Variants in OR14I1 observed in about 807,000 individuals in gnomAD.
OR14I1 encodes the protein olfactory receptor family 14 subfamily I member 1, also known as olfactory receptor 14I1.
For synonymous variants in OR14I1, 118 were observed against 71.1 expected (o/e 1.66, Z -3.32); for missense variants, 279 against 181.8 (o/e 1.53, Z -3.07).
At chr1:248,680,346 A>G (rs796204191), downstream of OR14I1, among the ~76,000 whole-genome samples, 8 of 152,348 alleles carry the variant, frequency 5.3e-5, no homozygotes, top group African/African-American at 1.9e-4. Flanking sequence ...TTTGGGATGT[A>G]AAGTCCAGTG....
upstream of OR14I1, among the ~76,000 whole-genome samples, chr1:248,683,989 G>A (rs1419590361): frequency 6.6e-6 from 1 of 152,094 alleles, no homozygotes; most frequent in Non-Finnish European, 1.5e-5. Context: ...CCAAGATCGT[G>A]CCACTGCACT....
At chr1:248,698,770 T>C in the OR14I1 span, 7 of 152,244 alleles carry the variant, frequency 4.6e-5, no homozygotes, top group Admixed American at 2.6e-4. Flanking sequence ...ACTTGACTTA[T>C]ATCCTACTCC....
At chr1:248,687,348 G>A in the OR14I1 span, among the ~76,000 whole-genome samples, 1 of 152,220 alleles carries the variant, frequency 6.6e-6, no homozygotes, top group Non-Finnish European at 1.5e-5. Context: ...TTACTTTGCA[G>A]TTACAGCAGC....
chr1:248,696,754 C>T, the OR14I1 span, among the ~76,000 whole-genome samples: 23,749 of 152,090 alleles, frequency 0.16, 2,038 homozygotes, highest in African/African-American at 0.23. Flanking sequence ...TGTCTCTCTC[C>T]GTAGTATTTA....
downstream of OR14I1, among the ~76,000 whole-genome samples, chr1:248,678,543 T>A (rs2103130474): frequency 6.6e-6 from 1 of 152,340 alleles, no homozygotes; most frequent in East Asian, 1.9e-4. Flanking sequence ...ACAGGAAGTC[T>A]CAAAGGAAAA....
downstream of OR14I1, among the ~76,000 whole-genome samples, chr1:248,678,862 G>A (rs916880427): frequency 6.6e-6 from 1 of 152,090 alleles, no homozygotes; most frequent in Non-Finnish European, 1.5e-5. Flanking sequence ...AAAATAATTA[G>A]AATTGGACTT....
At chr1:248,697,147 C>G in the OR14I1 span, 7 of 152,190 alleles carry the variant, frequency 4.6e-5, no homozygotes, top group Admixed American at 3.9e-4. Flanking sequence ...CGATACAGAA[C>G]TCAAATGGTG....
upstream of OR14I1, among the ~76,000 whole-genome samples, chr1:248,686,363 T>C (rs1661650474): frequency 6.6e-6 from 1 of 152,228 alleles, no homozygotes; most frequent in African/African-American, 2.4e-5. Context: ...CTAATCTATA[T>C]GAAGCCTTTT....
upstream of OR14I1, among the ~76,000 whole-genome samples, chr1:248,686,671 TAAAA>T: frequency 6.7e-6 from 1 of 148,788 alleles, no homozygotes; most frequent in African/African-American, 2.5e-5. Context: ...TTTTTTCTCA[TAAAA>T]AATTTGAAAT....
At chr1:248,700,261 T>A in the OR14I1 span, among the ~76,000 whole-genome samples, 1 of 152,254 alleles carries the variant, frequency 6.6e-6, no homozygotes, top group African/African-American at 2.4e-5. Context: ...ATAACTGAAG[T>A]ATAAGTAAAA....
exon 1 of OR14I1, chr1:248,681,913 C>T (rs748062443): frequency 5.1e-6 from 4 of 780,886 alleles, no homozygotes; most frequent in African/African-American, 5.1e-5. Flanking sequence ...CATCACGGCT[C>T]TGTATTGGAG....
At chr1:248,686,807 T>C (rs1661663880), upstream of OR14I1, among the ~76,000 whole-genome samples, 1 of 119,578 alleles carries the variant, frequency 8.4e-6, no homozygotes, top group African/African-American at 2.9e-5. Context: ...GTATTCACTG[T>C]CTGGACCAAT....
chr1:248,681,869 T>C lies in OR14I1; in HGVS notation c.436A>G (p.Thr146Ala). ...GCGTAGGAAAAGCAGCTTAGCCAGG[T>C]GGTGACTGCCATCTGATAGCACCCT... The change falls in exon 1 of 1, where the codon ACC becomes GCC. Residue 146 changes from threonine to alanine, a missense_variant. Transcript: ENST00000342623. The C allele has an allele frequency of 3.8e-6, 3 of 780,990 alleles. 1 individual carries two copies. Among genetic ancestry groups the C allele is most frequent in the Non-Finnish European group, 7.2e-6 (3 of 418,114 alleles). 48.4% of individuals were successfully genotyped at this position (780,990 alleles called of 1,614,324 possible).
the OR14I1 span, among the ~76,000 whole-genome samples, chr1:248,701,875 A>G: frequency 6.6e-6 from 1 of 152,174 alleles, no homozygotes; most frequent in Non-Finnish European, 1.5e-5. Flanking sequence ...CCTGAGACTG[A>G]GTAATTTATA....
chr1:248,684,834 A>C (rs1661620137), upstream of OR14I1, among the ~76,000 whole-genome samples: 1 of 125,752 alleles, frequency 8.0e-6, no homozygotes, highest in Non-Finnish European at 1.8e-5. Flanking sequence ...TACAAATGCC[A>C]ATAAATGGGG....
chr1:248,682,259 A>G (rs1171721957), exon 1 of OR14I1: 2 of 767,850 alleles, frequency 2.6e-6, no homozygotes, highest in Admixed American at 1.8e-5. Context: ...CAGATACCAG[A>G]AAACTCCATC....
chr1:248,685,166 A>G (rs1271408846), upstream of OR14I1, among the ~76,000 whole-genome samples: 1 of 152,012 alleles, frequency 6.6e-6, no homozygotes, highest in East Asian at 1.9e-4. Flanking sequence ...TATAGATTAA[A>G]TAAAATACCT....
chr1:248,690,080 G>A, the OR14I1 span, among the ~76,000 whole-genome samples: 587 of 152,282 alleles, frequency 3.9e-3, 1 homozygote, highest in Middle Eastern at 6.8e-3. Flanking sequence ...CTAAAGCAGT[G>A]TTTAGAGGGA....
chr1:248,690,635 G>GGAAAAGACGGATTC, the OR14I1 span, among the ~76,000 whole-genome samples: 1 of 61,762 alleles, frequency 1.6e-5, no homozygotes, highest in Non-Finnish European at 3.7e-5. Flanking sequence ...CCCAGGAACA[G>GGAAAAGACGGATTC]ACGGATTCAC....
Sources: allele counts gnomAD v4.1 joint callset (sites outside exome capture counted in the v4.1 genomes callset), GRCh38; gene constraint gnomAD v4.1.1; transcripts MANE v1.5; gene names NCBI Gene and HGNC (gene_info 2026-07-23, HGNC 2026-07-21).